The following PPP1R14C variants were observed in gnomAD, a reference collection of about 807,000 sequenced individuals.
PPP1R14C encodes protein phosphatase 1 regulatory subunit 14C.
Under a neutral mutation model 20.4 loss-of-function variants are expected in PPP1R14C, and 16 were observed. That is an observed-to-expected ratio of 0.78 (90% CI 0.53 to 1.19). The LOEUF (loss-of-function observed/expected upper bound fraction) is 1.19, where lower values mean the gene tolerates loss of function less well. Ranked by LOEUF, PPP1R14C falls within the 50% of genes most tolerant of loss-of-function variation. The pLI is 0.00. For missense variants in PPP1R14C, 211 were observed against 220.1 expected (o/e 0.96, Z 0.26); for synonymous variants, 91 against 91.0 (o/e 1.00, Z 0.00).
intron 1 of PPP1R14C, among the ~76,000 whole-genome samples, chr6:150,208,968 G>C (rs1777986891): frequency 6.6e-6 from 1 of 152,130 alleles, no homozygotes; most frequent in Non-Finnish European, 1.5e-5. Flanking sequence ...CAAGGATTCA[G>C]TTCTTTTTAT....
At chr6:150,200,976 G>A (rs1777870632) in intron 1 of PPP1R14C, among the ~76,000 whole-genome samples, 1 of 152,176 alleles carries the variant, frequency 6.6e-6, no homozygotes, top group Non-Finnish European at 1.5e-5. Context: ...AAAAGTCACG[G>A]AAGTCAAAAG....
intron 3 of PPP1R14C, among the ~76,000 whole-genome samples, chr6:150,223,060 T>C (rs114968697): frequency 0.022 from 3,355 of 152,268 alleles, 123 homozygotes; most frequent in African/African-American, 0.076. Context: ...TTAGCCACCA[T>C]GCCCAGCCCA....
chr6:150,158,267 G>A (rs960273461), intron 1 of PPP1R14C, among the ~76,000 whole-genome samples: 1 of 152,018 alleles, frequency 6.6e-6, no homozygotes, highest in Non-Finnish European at 1.5e-5. Flanking sequence ...CAAATTAAAG[G>A]TTGTTCTTTG....
intron 3 of PPP1R14C, among the ~76,000 whole-genome samples, chr6:150,245,647 T>G (rs1778482130): frequency 6.6e-6 from 1 of 152,264 alleles, no homozygotes; most frequent in Non-Finnish European, 1.5e-5. Context: ...AATCAGTGTC[T>G]GTAACCCAAG....
At position 150,143,639 on chromosome 6, in the gene PPP1R14C, T is replaced by A. The variant is rs1777149617; in HGVS notation, c.306+141T>A. ...AGTGCCAGGAGCGAGGCGCGGCGCC[T>A]TCTCTCCCCCGCGGTGCCCTCTGGC... On this transcript the variant is annotated intron_variant, in intron 1 of 3. Coordinates refer to ENST00000361131, the MANE Select transcript of PPP1R14C (RefSeq NM_030949.3). The surrounding 1 kb of genome is among the most constrained non-coding windows in gnomAD (Gnocchi z 5.6). The A allele has an allele frequency of 2.2e-5, 14 of 645,436 alleles. No homozygotes were observed. The South Asian group carries it at 2.6e-4, about 12-fold the overall frequency. The allele number at this position is 645,436 out of a possible 1,614,324, so 40.0% of individuals were successfully genotyped here.
chr6:150,225,837 T>C (rs1032048273), intron 3 of PPP1R14C, among the ~76,000 whole-genome samples: 2 of 152,258 alleles, frequency 1.3e-5, no homozygotes, highest in East Asian at 3.8e-4. Flanking sequence ...AGTATGCTAG[T>C]TGAATCTTAT....
intron 1 of PPP1R14C, among the ~76,000 whole-genome samples, chr6:150,165,097 G>A (rs547587503): frequency 2.0e-5 from 3 of 152,328 alleles, no homozygotes; most frequent in East Asian, 1.9e-4. Context: ...CCAGTCTGTG[G>A]TAGTCTGTTA....
chr6:150,146,815 G>A (rs1292733152), intron 1 of PPP1R14C, among the ~76,000 whole-genome samples: 1 of 152,178 alleles, frequency 6.6e-6, no homozygotes, highest in Admixed American at 6.5e-5. Flanking sequence ...CTGGATAGAT[G>A]TGTCCACTTT....
At chr6:150,215,416 AT>A (rs1194337758) in intron 2 of PPP1R14C, among the ~76,000 whole-genome samples, 1 of 152,192 alleles carries the variant, frequency 6.6e-6, no homozygotes, top group Non-Finnish European at 1.5e-5. Context: ...CAAATCTATC[AT>A]TTTTAAATCT....
intron 1 of PPP1R14C, among the ~76,000 whole-genome samples, chr6:150,210,846 C>G (rs1330670760): frequency 6.6e-6 from 1 of 152,296 alleles, no homozygotes; most frequent in South Asian, 2.1e-4. Context: ...ACTCCTCACT[C>G]TACTGTATAG....
intron 3 of PPP1R14C, among the ~76,000 whole-genome samples, chr6:150,221,450 A>G (rs1778166529): frequency 1.3e-5 from 2 of 152,236 alleles, no homozygotes; most frequent in African/African-American, 4.8e-5. Flanking sequence ...CTATCAATTA[A>G]TGGTGTTCTT....
chr6:150,181,291 CAGCCTCCCGAGT>C (rs1472597427), intron 1 of PPP1R14C, among the ~76,000 whole-genome samples: 1 of 152,126 alleles, frequency 6.6e-6, no homozygotes, highest in African/African-American at 2.4e-5. Flanking sequence ...TCTCTTGCCT[CAGCCTCCCGAGT>C]AGCTGGAATT....
intron 1 of PPP1R14C, among the ~76,000 whole-genome samples, chr6:150,163,112 C>T (rs903432190): frequency 2.0e-5 from 3 of 152,144 alleles, no homozygotes; most frequent in African/African-American, 7.2e-5. Context: ...TTATTGTAGG[C>T]CAGGCGCGGT....
chr6:150,215,040 T>A (rs1237353369), intron 2 of PPP1R14C, among the ~76,000 whole-genome samples: 2 of 152,232 alleles, frequency 1.3e-5, no homozygotes, highest in South Asian at 2.1e-4. Context: ...TAGTCCATTT[T>A]CAAAGCGCCT....
intron 1 of PPP1R14C, among the ~76,000 whole-genome samples, chr6:150,188,961 C>T (rs931705492): frequency 1.4e-4 from 22 of 151,966 alleles, no homozygotes; most frequent in African/African-American, 4.4e-4. Flanking sequence ...CAGGTTCAAG[C>T]AGTTCTCCTG....
At chr6:150,199,808 A>G (rs11155713) in intron 1 of PPP1R14C, among the ~76,000 whole-genome samples, 8,104 of 152,040 alleles carry the variant, frequency 0.053, 474 homozygotes, top group African/African-American at 0.14. Flanking sequence ...GTTCAAGGTT[A>G]CAGTGAGCTA....
intron 3 of PPP1R14C, among the ~76,000 whole-genome samples, chr6:150,242,651 G>A (rs1366974379): frequency 1.3e-5 from 2 of 152,200 alleles, no homozygotes; most frequent in African/African-American, 4.8e-5. Flanking sequence ...CAGTAACATG[G>A]TCAGGGTATT....
Position 150,201,310 on chromosome 6 carries a change from T to C in PPP1R14C, c.307-13434T>C, listed in dbSNP as rs375972677. On this transcript the variant is annotated intron_variant, in intron 1 of 3. Transcript: ENST00000361131. This position sits in a 1 kb window ranked among gnomAD's most constrained non-coding sequence, Gnocchi z 4.2. Reference sequence around the variant, plus strand: ...TGTGGAAAGTGCAGCGAAAGAGAGGTGCAGGGCATTCTAAGTTTCCAGGGC... The same window carrying C: ...TGTGGAAAGTGCAGCGAAAGAGAGGCGCAGGGCATTCTAAGTTTCCAGGGC... Among the ~76,000 whole-genome samples the C allele has an allele frequency of 3.3e-5, 5 of 152,018 alleles. No homozygotes were observed. In the South Asian group the frequency reaches 1.0e-3, roughly 32 times the overall value.
At chr6:150,247,398 G>T (rs1447986521) in intron 3 of PPP1R14C, among the ~76,000 whole-genome samples, 1 of 152,164 alleles carries the variant, frequency 6.6e-6, no homozygotes, top group African/African-American at 2.4e-5. Context: ...CTTATCTGGT[G>T]GCCAAACATT....
Sources: gnomAD v4.1 joint callset for allele counts (sites outside exome capture counted in the v4.1 genomes callset) on GRCh38, gnomAD v4.1.1 for gene constraint, Gnocchi (gnomAD v3.1) non-coding constraint, MANE v1.5 for transcripts, NCBI Gene and HGNC (gene_info 2026-07-23, HGNC 2026-07-21) for gene names.